The following FHIT variants were observed in gnomAD, a reference collection of about 807,000 sequenced individuals.
FHIT encodes the protein bis(5'-adenosyl)-triphosphatase.
A neutral mutation model predicts 17.9 loss-of-function variants in FHIT; 19 were observed. The ratio of observed to expected loss-of-function variants is 1.06; its 90% CI spans 0.74 to 1.56. The LOEUF is 1.56. FHIT is among the 40% of genes most tolerant of loss of function. The probability of loss-of-function intolerance (pLI) is 0.00; values close to 1 mark genes in which losing one functional copy is unlikely to be tolerated. For missense variants in FHIT, 248 were observed against 189.2 expected, an observed-to-expected ratio of 1.31 and a Z score of -1.82; for synonymous variants, 81 against 69.7, an observed-to-expected ratio of 1.16 and a Z score of -0.81.
At chr3:60,275,075 G>A (rs1707059802) in intron 5 of FHIT, among the ~76,000 whole-genome samples, 1 of 151,628 alleles carries the variant, frequency 6.6e-6, no homozygotes, top group South Asian at 2.1e-4. Flanking sequence ...ACTCCTTATG[G>A]CTATATTTTA....
At chr3:61,080,831 G>T (rs1019315536) in intron 2 of FHIT, among the ~76,000 whole-genome samples, 12 of 150,980 alleles carry the variant, frequency 7.9e-5, no homozygotes, top group African/African-American at 2.9e-4. Context: ...TCCCACAGCA[G>T]GAAAAAAAAA....
chr3:60,785,719 G>A (rs1279475981), intron 4 of FHIT, among the ~76,000 whole-genome samples: 2 of 152,008 alleles, frequency 1.3e-5, no homozygotes, highest in Non-Finnish European at 2.9e-5. Context: ...GAGTATCCTG[G>A]GCAGTAAGTG....
At chr3:60,805,545 A>G (rs1412782569) in intron 4 of FHIT, among the ~76,000 whole-genome samples, 2 of 151,588 alleles carry the variant, frequency 1.3e-5, no homozygotes, top group East Asian at 3.9e-4. Flanking sequence ...CTTTATTTTT[A>G]TTTTTATTTT....
intron 5 of FHIT, among the ~76,000 whole-genome samples, chr3:60,094,351 C>A (rs569582828): frequency 5.3e-5 from 8 of 152,204 alleles, no homozygotes; most frequent in Non-Finnish European, 1.0e-4. Context: ...GACAGGTCTG[C>A]TTCATCTGAC....
chr3:60,583,878 T>C (rs1026979513), intron 4 of FHIT, among the ~76,000 whole-genome samples: 5 of 152,086 alleles, frequency 3.3e-5, no homozygotes, highest in South Asian at 2.1e-4. Context: ...TGCTATTGTA[T>C]ACAAATTCTC....
chr3:60,751,327 A>C (rs1308728009), intron 4 of FHIT, among the ~76,000 whole-genome samples: 1 of 152,220 alleles, frequency 6.6e-6, no homozygotes, highest in Non-Finnish European at 1.5e-5. Flanking sequence ...ACAGCACCAA[A>C]TTATTTTTCT....
At position 61,155,609 on chromosome 3, in the gene FHIT, T is replaced by C. The variant is rs190505423; in HGVS notation, c.-164+45008A>G. 2.4e-3 allele frequency among the ~76,000 whole-genome samples: 369 copies of C among 152,294 alleles called. 4 individuals are homozygous for C. The highest frequency in any genetic ancestry group is 8.6e-3 in the African/African-American group (359 of 41,560). On this transcript the variant is annotated intron_variant, in intron 2 of 9. Transcript: ENST00000492590. ...ATCTTCTCCTTTTTTTCTTCTTCGT[T>C]GAAATATTTTAAAGCAAGACTAAGA...
intron 3 of FHIT, among the ~76,000 whole-genome samples, chr3:60,868,869 G>A (rs1481263180): frequency 2.0e-5 from 3 of 152,132 alleles, no homozygotes; most frequent in Non-Finnish European, 4.4e-5. Context: ...AAATACCTTT[G>A]AAAATTCGTG....
At chr3:61,246,234 C>T (rs1468223263) in intron 1 of FHIT, among the ~76,000 whole-genome samples, 1 of 152,110 alleles carries the variant, frequency 6.6e-6, no homozygotes, top group African/African-American at 2.4e-5. Context: ...AGGACTGCTC[C>T]GTCTATGGAG....
chr3:61,201,011 T>C (rs1386809463), intron 1 of FHIT, among the ~76,000 whole-genome samples: 3 of 152,190 alleles, frequency 2.0e-5, no homozygotes, highest in Non-Finnish European at 4.4e-5. Context: ...GACTAAGCAT[T>C]TTATTTTCTT....
intron 4 of FHIT, among the ~76,000 whole-genome samples, chr3:60,729,127 C>T (rs377102568): frequency 3.3e-5 from 5 of 152,134 alleles, no homozygotes; most frequent in African/African-American, 4.8e-5. Flanking sequence ...AACAGTGGCC[C>T]GAAGGCCACG....
intron 7 of FHIT, among the ~76,000 whole-genome samples, chr3:59,931,004 T>A (rs535510568): frequency 6.6e-6 from 1 of 152,314 alleles, no homozygotes; most frequent in East Asian, 1.9e-4. Context: ...CTGAGTCAAT[T>A]CCTTAACTTC....
At chr3:60,269,418 G>A (rs146685807) in intron 5 of FHIT, among the ~76,000 whole-genome samples, 9 of 152,256 alleles carry the variant, frequency 5.9e-5, no homozygotes, top group South Asian at 4.1e-4. Context: ...TCACCTGCTG[G>A]CTGTTCTTTT....
intron 4 of FHIT, among the ~76,000 whole-genome samples, chr3:60,543,933 T>G (rs13091994): frequency 7.5e-6 from 1 of 133,814 alleles, no homozygotes; most frequent in Non-Finnish European, 1.6e-5. Context: ...TTTTTTTTTG[T>G]ATTTTTAGTA....
intron 5 of FHIT, among the ~76,000 whole-genome samples, chr3:60,310,321 T>C (rs2106754107): frequency 6.6e-6 from 1 of 152,254 alleles, no homozygotes; most frequent in South Asian, 2.1e-4. Context: ...CAAAAGGGAA[T>C]GGTGCTCTCT....
intron 7 of FHIT, among the ~76,000 whole-genome samples, chr3:59,996,616 C>T (rs1013212305): frequency 4.6e-5 from 7 of 152,042 alleles, no homozygotes; most frequent in African/African-American, 1.7e-4. Context: ...AATTCTCATC[C>T]CCAAAGAGTC....
At chr3:60,711,025 C>A (rs1000538869) in intron 4 of FHIT, among the ~76,000 whole-genome samples, 9 of 152,182 alleles carry the variant, frequency 5.9e-5, no homozygotes, top group Non-Finnish European at 1.0e-4. Flanking sequence ...AGGCACCCCC[C>A]AGTAGGGGCA....
chr3:60,355,811 G>A (rs1257895384), intron 5 of FHIT, among the ~76,000 whole-genome samples: 1 of 152,114 alleles, frequency 6.6e-6, no homozygotes, highest in East Asian at 1.9e-4. Flanking sequence ...GTAATTCACA[G>A]GTGTACCTCC....
At chr3:60,076,367 G>A (rs1703006240) in intron 5 of FHIT, among the ~76,000 whole-genome samples, 1 of 152,064 alleles carries the variant, frequency 6.6e-6, no homozygotes, top group African/African-American at 2.4e-5. Context: ...CAGAAACTCA[G>A]AAAAGCCTAT....
Sources: gnomAD v4.1 joint callset for allele counts (sites outside exome capture counted in the v4.1 genomes callset) on GRCh38, gnomAD v4.1.1 for gene constraint, MANE v1.5 for transcripts, NCBI Gene and HGNC (gene_info 2026-07-23, HGNC 2026-07-21) for gene names.